Variants in ERC2 observed in about 807,000 individuals in gnomAD.
ERC2 encodes ELKS/RAB6-interacting/CAST family member 2, also known as ERC protein 2.
Under a neutral mutation model 114.8 loss-of-function variants are expected in ERC2, and 42 were observed. That is an observed-to-expected ratio of 0.37 (90% CI 0.29 to 0.47). The LOEUF (loss-of-function observed/expected upper bound fraction) is 0.47, where lower values mean the gene tolerates loss of function less well. ERC2 is among the 20% of genes least tolerant of loss of function. ERC2 has a pLI of 0.99. For missense variants in ERC2, 939 were observed against 1,150.7 expected (o/e 0.82, Z 2.66); for synonymous variants, 454 against 425.5 (o/e 1.07, Z -0.82).
chr3:55,699,613 C>T (rs2063119698), intron 15 of ERC2, 101 bp from the exon 16 acceptor site: 1 of 1,278,684 alleles, frequency 7.8e-7, no homozygotes, highest in African/African-American at 1.5e-5. Context: ...CCCTTTGTTC[C>T]TAATTCAGGA....
intron 14 of ERC2, among the ~76,000 whole-genome samples, chr3:55,747,834 C>A (rs2066407601): frequency 6.6e-6 from 1 of 152,248 alleles, no homozygotes; most frequent in South Asian, 2.1e-4. Context: ...TGAAGCCTTG[C>A]ACTGCTAAGC....
intron 6 of ERC2, among the ~76,000 whole-genome samples, chr3:56,096,863 T>C (rs1206296792): frequency 6.6e-6 from 1 of 152,200 alleles, no homozygotes; most frequent in Non-Finnish European, 1.5e-5. Flanking sequence ...GCCAAATATT[T>C]AATACTGAAA....
chr3:55,998,248 C>G (rs2071757538), intron 10 of ERC2, among the ~76,000 whole-genome samples: 1 of 152,056 alleles, frequency 6.6e-6, no homozygotes, highest in South Asian at 2.1e-4. Context: ...CTTTCTCTCT[C>G]TCTCACACAC....
At chr3:56,167,015 C>G (rs2082355076) in intron 4 of ERC2, among the ~76,000 whole-genome samples, 1 of 152,038 alleles carries the variant, frequency 6.6e-6, no homozygotes, top group Non-Finnish European at 1.5e-5. Context: ...TTTGCTCTGC[C>G]AAAGACACTC....
At chr3:55,743,443 G>GAGCT (rs774662470) in intron 14 of ERC2, among the ~76,000 whole-genome samples, 1 of 146,804 alleles carries the variant, frequency 6.8e-6, no homozygotes, top group South Asian at 2.2e-4. Flanking sequence ...GTGCCAGGAA[G>GAGCT]AGCTATTCCC....
intron 13 of ERC2, among the ~76,000 whole-genome samples, chr3:55,898,723 T>C (rs1445463610): frequency 6.6e-6 from 1 of 152,204 alleles, no homozygotes; most frequent in Non-Finnish European, 1.5e-5. Flanking sequence ...ATTTCCATTT[T>C]TTTTTTACAT....
rs190823342 is a variant in ERC2, at chr3:56,312,746, G to C, written c.658-16311C>G. On this transcript the variant is annotated intron_variant, in intron 2 of 17. Transcript: ENST00000288221. ...GCTCTCGGTGGAATTTTAAGTGACTGGGAAAACCATGAGGAGTCTGTGATA... is the reference window on the plus strand; with the variant it reads ...GCTCTCGGTGGAATTTTAAGTGACTCGGAAAACCATGAGGAGTCTGTGATA... Among the ~76,000 whole-genome samples the C allele has an allele frequency of 6.5e-4, 95 of 146,464 alleles. No individual in the cohort carries two copies. The East Asian group carries it at 9.4e-3, about 15-fold the overall frequency.
chr3:56,368,144 C>T (rs1194959912), intron 2 of ERC2, among the ~76,000 whole-genome samples: 2 of 149,582 alleles, frequency 1.3e-5, no homozygotes, highest in East Asian at 3.9e-4. Flanking sequence ...CACATGTACC[C>T]CTTGAATCTA....
chr3:55,882,982 T>C (rs376802993), intron 14 of ERC2, among the ~76,000 whole-genome samples: 1 of 152,236 alleles, frequency 6.6e-6, no homozygotes. Context: ...GAAACTACTT[T>C]ATCTATTTAT....
chr3:56,251,732 A>C (rs995125475), intron 3 of ERC2, among the ~76,000 whole-genome samples: 2 of 152,210 alleles, frequency 1.3e-5, no homozygotes, highest in Admixed American at 1.3e-4. Context: ...ATACATCTTA[A>C]CCATAGGATA....
At chr3:56,157,917 A>G (rs560575000) in intron 4 of ERC2, among the ~76,000 whole-genome samples, 7 of 152,240 alleles carry the variant, frequency 4.6e-5, no homozygotes, top group African/African-American at 1.7e-4. Flanking sequence ...CCTGTGGTTG[A>G]CTTCTCAACC....
At chr3:56,263,326 G>C (rs2053070658) in intron 3 of ERC2, among the ~76,000 whole-genome samples, 2 of 149,644 alleles carry the variant, frequency 1.3e-5, no homozygotes, top group Non-Finnish European at 3.0e-5. Flanking sequence ...GAGCTTAGCA[G>C]TCTACTTAAG....
chr3:55,771,292 T>C (rs1218992991), intron 14 of ERC2, among the ~76,000 whole-genome samples: 3 of 152,202 alleles, frequency 2.0e-5, no homozygotes, highest in Non-Finnish European at 4.4e-5. Flanking sequence ...TGATTCAATA[T>C]AGATCATTCA....
chr3:55,543,906 C>G (rs2054570601), intron 17 of ERC2, among the ~76,000 whole-genome samples: 1 of 152,204 alleles, frequency 6.6e-6, no homozygotes, highest in Non-Finnish European at 1.5e-5. Context: ...TCCCCACGAT[C>G]CTCAATTCAG....
chr3:55,984,378 G>A (rs185398584), intron 12 of ERC2, among the ~76,000 whole-genome samples: 1 of 152,114 alleles, frequency 6.6e-6, no homozygotes, highest in Non-Finnish European at 1.5e-5. Flanking sequence ...TAAAGGCCCT[G>A]ACAGGAAGCT....
chr3:55,737,986 C>T (rs907880114), intron 14 of ERC2, among the ~76,000 whole-genome samples: 4 of 152,120 alleles, frequency 2.6e-5, no homozygotes, highest in Non-Finnish European at 5.9e-5. Flanking sequence ...TCCTATAATA[C>T]AAATGACTAC....
intron 2 of ERC2, among the ~76,000 whole-genome samples, chr3:56,371,739 C>T (rs1574396): frequency 0.019 from 2,887 of 152,312 alleles, 95 homozygotes; most frequent in African/African-American, 0.066. Context: ...CCTTGGCTAG[C>T]CTGTCATCCC....
At chr3:55,520,395 C>T (rs1315436405) in intron 17 of ERC2, among the ~76,000 whole-genome samples, 3 of 145,936 alleles carry the variant, frequency 2.1e-5, no homozygotes, top group South Asian at 2.2e-4. Flanking sequence ...GAGATCGTGC[C>T]ACTGCACTCC....
At chr3:56,328,613 T>C (rs1173722343) in intron 2 of ERC2, among the ~76,000 whole-genome samples, 2 of 152,174 alleles carry the variant, frequency 1.3e-5, no homozygotes, top group Non-Finnish European at 2.9e-5. Flanking sequence ...AGCATAATAA[T>C]ACCCTCAAGT....
Sources: allele counts gnomAD v4.1 joint callset (sites outside exome capture counted in the v4.1 genomes callset), GRCh38; gene constraint gnomAD v4.1.1; transcripts MANE v1.5; gene names NCBI Gene and HGNC (gene_info 2026-07-23, HGNC 2026-07-21).